The following SORCS2 variants were observed in gnomAD, a reference collection of about 807,000 sequenced individuals.
SORCS2 encodes the protein VPS10 domain-containing receptor SorCS2.
A neutral mutation model predicts 141.6 loss-of-function variants in SORCS2; 100 were observed. That is an observed-to-expected ratio of 0.71 (90% confidence interval 0.60 to 0.83). The LOEUF (loss-of-function observed/expected upper bound fraction) is 0.83. SORCS2 is among the 40% of genes least tolerant of loss of function. The pLI, the probability that SORCS2 is intolerant of heterozygous loss-of-function variation, is 0.00. For missense variants in SORCS2, 1,646 were observed against 1,560.2 expected, an observed-to-expected ratio of 1.05 and a Z score of -0.93; for synonymous variants, 789 against 676.9, an observed-to-expected ratio of 1.17 and a Z score of -2.57.
At chr4:7,580,537 A>G (rs373325922) in intron 3 of SORCS2, among the ~76,000 whole-genome samples, 39 of 152,312 alleles carry the variant, frequency 2.6e-4, no homozygotes, top group African/African-American at 9.1e-4. Flanking sequence ...ACTTTTATAC[A>G]AAGTATTTAT....
Position 7,638,465 on chromosome 4 carries a change from G to C in SORCS2, c.786G>C (p.Lys262Asn). 1.9e-6 allele frequency: 3 copies of C among 1,610,266 alleles called. No individual in the cohort carries two copies. The highest frequency in any genetic ancestry group is 3.3e-4 in the Middle Eastern group (2 of 6,048). The change falls in exon 4 of 27, where the codon AAG becomes AAC. Residue 262 changes from lysine to asparagine, a missense_variant. Physicochemically the swap from Lys to Asn is moderately conservative, Grantham distance 94. Coordinates refer to ENST00000507866, the MANE Select transcript of SORCS2 (RefSeq NM_020777.3). ...TLIFHPKEED[K>N]VLAYTKESKL... The stretch of plus-strand genomic sequence containing the variant: ...TTTTCCACCCTAAGGAGGAGGACAA[G>C]GTCCTCGCCTACACAAAGGAGAGCA...
At chr4:7,544,266 A>G (rs964326563) in intron 3 of SORCS2, among the ~76,000 whole-genome samples, 4 of 152,160 alleles carry the variant, frequency 2.6e-5, no homozygotes, top group South Asian at 2.1e-4. Flanking sequence ...ATGGCCATCT[A>G]TGCTGCTGCT....
intron 2 of SORCS2, among the ~76,000 whole-genome samples, chr4:7,413,722 G>A (rs1323579578): frequency 1.3e-5 from 2 of 152,114 alleles, no homozygotes; most frequent in African/African-American, 4.8e-5. Context: ...GTATAATATA[G>A]TTTCACATGA....
At chr4:7,226,496 G>T (rs1729000583) in intron 1 of SORCS2, among the ~76,000 whole-genome samples, 1 of 152,178 alleles carries the variant, frequency 6.6e-6, no homozygotes, top group South Asian at 2.1e-4. Flanking sequence ...CCGGGTGAGT[G>T]GGGGTTGGGG....
Position 7,677,029 on chromosome 4 carries a change from CTCTG to C in SORCS2, c.1341+804_1341+807del, listed in dbSNP as rs1452446017. On this transcript the variant is annotated intron_variant, in intron 9 of 26. Coordinates refer to ENST00000507866, the MANE Select transcript of SORCS2 (RefSeq NM_020777.3). The stretch of plus-strand genomic sequence containing the variant: ...GTGTGTGAAGTTGGCCTCTCTCTCT[CTCTG>C]TCTCTCTCTCACACTCGCTTGCTTT... 4.1e-3 allele frequency among the ~76,000 whole-genome samples: 625 copies of C among 151,384 alleles called. 8 individuals are homozygous for C. Among genetic ancestry groups the C allele is most frequent in the African/African-American group, 0.014 (589 of 41,168 alleles).
chr4:7,540,372 C>T (rs1259753822), intron 3 of SORCS2, among the ~76,000 whole-genome samples: 1 of 152,060 alleles, frequency 6.6e-6, no homozygotes. Context: ...AGGACCCCAG[C>T]CTTCTTCTGT....
intron 2 of SORCS2, among the ~76,000 whole-genome samples, chr4:7,529,606 G>A (rs575167627): frequency 8.5e-5 from 13 of 152,254 alleles, no homozygotes; most frequent in Admixed American, 3.9e-4. Context: ...TTTGGGAGGC[G>A]GGATCGATAG....
At chr4:7,589,299 G>A (rs1686023772) in intron 3 of SORCS2, among the ~76,000 whole-genome samples, 1 of 152,186 alleles carries the variant, frequency 6.6e-6, no homozygotes, top group Non-Finnish European at 1.5e-5. Flanking sequence ...TAGAACATAT[G>A]GTATTTGGTG....
At chr4:7,222,292 A>G (rs1728752567) in intron 1 of SORCS2, among the ~76,000 whole-genome samples, 1 of 152,218 alleles carries the variant, frequency 6.6e-6, no homozygotes, top group Non-Finnish European at 1.5e-5. Flanking sequence ...ACGTGGTAGA[A>G]TATTATTCAG....
At chr4:7,689,892 T>C (rs1406954297) in intron 11 of SORCS2, among the ~76,000 whole-genome samples, 2 of 141,472 alleles carry the variant, frequency 1.4e-5, no homozygotes, top group Admixed American at 1.4e-4. Flanking sequence ...GGATGGTGGA[T>C]GAATGATGGC....
chr4:7,651,073 C>T (rs149656476), intron 4 of SORCS2, among the ~76,000 whole-genome samples: 230 of 152,254 alleles, frequency 1.5e-3, no homozygotes, highest in African/African-American at 5.4e-3. Context: ...ATCACTGGCC[C>T]AGCCCCGATG....
chr4:7,513,187 G>C (rs570157894), intron 2 of SORCS2, among the ~76,000 whole-genome samples: 2 of 152,302 alleles, frequency 1.3e-5, no homozygotes, highest in African/African-American at 4.8e-5. Flanking sequence ...GAATGGGACC[G>C]TATGTAGCCA....
intron 3 of SORCS2, among the ~76,000 whole-genome samples, chr4:7,547,398 C>G (rs1252358651): frequency 6.6e-6 from 1 of 152,232 alleles, no homozygotes; most frequent in Non-Finnish European, 1.5e-5. Flanking sequence ...ATACTTGGAG[C>G]CTTTTGCCAG....
chr4:7,551,281 A>T (rs1484874241), intron 3 of SORCS2, among the ~76,000 whole-genome samples: 2 of 68,314 alleles, frequency 2.9e-5, no homozygotes, highest in Non-Finnish European at 7.5e-5. Context: ...CCAGAGTTCC[A>T]TGGGTCTTCT....
chr4:7,655,939 C>G (rs1721745327), intron 5 of SORCS2, among the ~76,000 whole-genome samples: 1 of 152,208 alleles, frequency 6.6e-6, no homozygotes, highest in South Asian at 2.1e-4. Flanking sequence ...TTATCTCAGG[C>G]AAATCAAATT....
chr4:7,604,167 A>T (rs1194078477), intron 3 of SORCS2, among the ~76,000 whole-genome samples: 2 of 152,046 alleles, frequency 1.3e-5, no homozygotes, highest in African/African-American at 4.8e-5. Context: ...AGGGACTGAT[A>T]TGGTTTGGCT....
At chr4:7,395,528 C>T (rs1030278224) in intron 1 of SORCS2, among the ~76,000 whole-genome samples, 7 of 152,124 alleles carry the variant, frequency 4.6e-5, no homozygotes, top group Admixed American at 4.6e-4. Context: ...ATCCTTATTC[C>T]CCACCCCCCA....
At chr4:7,215,951 A>C (rs1728323402) in intron 1 of SORCS2, among the ~76,000 whole-genome samples, 2 of 139,872 alleles carry the variant, frequency 1.4e-5, no homozygotes, top group South Asian at 4.7e-4. Flanking sequence ...AGGCTGCCGG[A>C]GCCAGCAGTG....
At chr4:7,446,077 C>T (rs1727974674) in intron 2 of SORCS2, among the ~76,000 whole-genome samples, 1 of 151,826 alleles carries the variant, frequency 6.6e-6, no homozygotes, top group African/African-American at 2.4e-5. Context: ...TCCTTCCTCC[C>T]TGTCTTCTCT....
Sources: allele counts gnomAD v4.1 joint callset (sites outside exome capture counted in the v4.1 genomes callset), GRCh38; gene constraint gnomAD v4.1.1; transcripts MANE v1.5; gene names NCBI Gene and HGNC (gene_info 2026-07-23, HGNC 2026-07-21).